MTMR1: variants seen among roughly 807,000 people sequenced by gnomAD.
The protein encoded by MTMR1 is myotubularin related protein 1.
Under a neutral mutation model 51.6 loss-of-function variants are expected in MTMR1, and 17 were observed. The ratio of observed to expected loss-of-function variants is 0.33; its 90% CI spans 0.23 to 0.49. The LOEUF is 0.49. MTMR1 is among the 20% of genes least tolerant of loss of function. MTMR1 has a pLI of 0.99. For missense variants in MTMR1, 386 were observed against 526.9 expected, an observed-to-expected ratio of 0.73 and a Z score of 2.62; for synonymous variants, 201 against 205.6, an observed-to-expected ratio of 0.98 and a Z score of 0.19.
At chrX:150,759,787 C>T (rs1467136413) in intron 15 of MTMR1, among the ~76,000 whole-genome samples, 3 of 110,215 alleles carry the variant, frequency 2.7e-5, no homozygotes, top group Non-Finnish European at 5.8e-5. Flanking sequence ...CTGCAGTCCT[C>T]TTGTGTGCCA....
At chrX:150,730,421 G>A (rs2042081220) in intron 7 of MTMR1, 104 bp from the exon 8 acceptor site, 1 of 592,085 alleles carries the variant, frequency 1.7e-6, no homozygotes, top group South Asian at 4.4e-5. Context: ...ACTAAAATAG[G>A]AATCTTAATA....
intron 10 of MTMR1, among the ~76,000 whole-genome samples, chrX:150,734,132 A>C (rs1603257905): frequency 9.0e-6 from 1 of 111,656 alleles, no homozygotes; most frequent in Non-Finnish European, 1.9e-5. Context: ...CAGCCACATC[A>C]CTCCAATCTC....
At chrX:150,745,729 G>A (rs181940440) in intron 13 of MTMR1, among the ~76,000 whole-genome samples, 1 of 112,340 alleles carries the variant, frequency 8.9e-6, no homozygotes, top group East Asian at 2.8e-4. Context: ...TGAGCCTGGA[G>A]ACAGGCTTAG....
chrX:150,718,773 G>A, intron 4 of MTMR1, 73 bp downstream of exon 4: 1 of 1,050,077 alleles, frequency 9.5e-7, no homozygotes, highest in Non-Finnish European at 1.3e-6. Context: ...AAGTGGAGGT[G>A]ATGTATGTGC....
chrX:150,757,951 T>C (rs1314232426), intron 15 of MTMR1, among the ~76,000 whole-genome samples: 1 of 111,166 alleles, frequency 9.0e-6, no homozygotes, highest in Non-Finnish European at 1.9e-5. Context: ...CACTCGATAC[T>C]GCACCGGCCT....
chrX:150,707,256 A>G (rs2041143907), intron 2 of MTMR1, among the ~76,000 whole-genome samples: 1 of 112,310 alleles, frequency 8.9e-6, no homozygotes, highest in South Asian at 3.6e-4. Context: ...CAAAATTTAA[A>G]ATCTTTTGCT....
Position 150,758,754 on chromosome X carries a change from C to G in MTMR1, c.1857+2889C>G, listed in dbSNP as rs1351009521. Among the ~76,000 whole-genome samples, 5 of 108,339 alleles carry G rather than the reference C, an allele frequency of 4.6e-5. No individual in the cohort carries two copies. The East Asian group carries it at 1.4e-3, about 31-fold the overall frequency. The allele number at this position is 108,339 out of a possible 115,157, so 94.1% of individuals were successfully genotyped here. A position where few individuals can be genotyped will look rare whatever the true frequency, so the allele number is the denominator to read the frequency against. On this transcript the variant is annotated intron_variant, in intron 15 of 15. Transcript: ENST00000445323. ...TGTAGTGAGCTGAGATGAGATTGCA[C>G]CACTGCATTCCAGCCTGGGCGACAG...
chrX:150,743,153 C>G (rs2042481107), intron 12 of MTMR1, among the ~76,000 whole-genome samples: 1 of 111,320 alleles, frequency 9.0e-6, no homozygotes, highest in Admixed American at 9.6e-5. Context: ...TTGTAATTCC[C>G]AGCACTTTGG....
intron 14 of MTMR1, 86 bp from the exon 15 acceptor site, chrX:150,755,603 A>G: frequency 5.4e-6 from 4 of 742,849 alleles, no homozygotes; most frequent in Non-Finnish European, 7.5e-6. Context: ...AATTCACTTC[A>G]TTATTCAAGT....
chrX:150,727,455 T>G (rs1383512150), intron 5 of MTMR1, 146 bp downstream of exon 5: 1 of 524,987 alleles, frequency 1.9e-6, no homozygotes, highest in Non-Finnish European at 3.0e-6. Context: ...AAACAGATGT[T>G]TGTATCTTGA....
chrX:150,732,667 C>T lies in MTMR1; in HGVS notation c.1017C>T (p.Asn339=), dbSNP rs782254068. The change falls in exon 10 of 16, where the codon AAC becomes AAT. Residue 339 remains asparagine, a synonymous_variant. Transcript: ENST00000445323. ...EKYLQTIMDA[N]AQSHKLIIFD... ...ACTTGCAAACAATAATGGATGCTAACGCACAGTCACACAAGCTTATCATCT... is the reference window on the plus strand; with the variant it reads ...ACTTGCAAACAATAATGGATGCTAATGCACAGTCACACAAGCTTATCATCT... 16 of 1,209,371 alleles carry T rather than the reference C, an allele frequency of 1.3e-5. No homozygotes were observed. The highest frequency in any genetic ancestry group is 8.8e-5 in the Admixed American group (4 of 45,694).
Position 150,693,523 on chromosome X carries a change from G to C in MTMR1, c.-8G>C. Reference sequence around the variant, plus strand: ...CGGCTTCCCCAAGGCGGCAGGACTCGGCGCGCCATGGACAGGCCGGCGGCG... The same window carrying C: ...CGGCTTCCCCAAGGCGGCAGGACTCCGCGCGCCATGGACAGGCCGGCGGCG... On this transcript the variant is annotated 5_prime_UTR_variant, in exon 1 of 16. Transcript: ENST00000445323. 3 of 760,815 alleles carry C rather than the reference G, an allele frequency of 3.9e-6. No individual in the cohort carries two copies. The South Asian group carries it at 1.9e-4, about 49-fold the overall frequency. The allele number at this position is 760,815 out of a possible 1,213,427, so 62.7% of individuals were successfully genotyped here. A position where few individuals can be genotyped will look rare whatever the true frequency, so the allele number is the denominator to read the frequency against.
chrX:150,756,142 CCTT>C (rs1410727385), intron 15 of MTMR1, among the ~76,000 whole-genome samples: 1 of 111,557 alleles, frequency 9.0e-6, no homozygotes, highest in Non-Finnish European at 1.9e-5. Context: ...AGTGCTTGGC[CCTT>C]CTTCTTATAA....
chrX:150,719,811 G>A (rs188825170), intron 4 of MTMR1, among the ~76,000 whole-genome samples: 2 of 112,067 alleles, frequency 1.8e-5, no homozygotes, highest in Admixed American at 1.9e-4. Context: ...TGAATGAGCA[G>A]GGAGCGTTAT....
intron 2 of MTMR1, among the ~76,000 whole-genome samples, chrX:150,700,657 A>C (rs1177313097): frequency 8.9e-6 from 1 of 112,815 alleles, no homozygotes; most frequent in East Asian, 2.8e-4. Context: ...GGATCGCATC[A>C]GTTCCAGTTG....
At chrX:150,709,915 A>G (rs1023826442) in intron 2 of MTMR1, among the ~76,000 whole-genome samples, 19 of 112,563 alleles carry the variant, frequency 1.7e-4, no homozygotes, top group Non-Finnish European at 3.4e-4. Context: ...TCAGGGTTCA[A>G]TTGCACAATT....
At chrX:150,707,486 T>A (rs2041152527) in intron 2 of MTMR1, among the ~76,000 whole-genome samples, 1 of 112,680 alleles carries the variant, frequency 8.9e-6, no homozygotes, top group African/African-American at 3.2e-5. Flanking sequence ...GAAAAGACGT[T>A]CAACATCATT....
Position 150,715,519 on chromosome X carries a change from CA to C in MTMR1, c.277-3104del, listed in dbSNP as rs781801657. 4.3e-4 allele frequency among the ~76,000 whole-genome samples: 48 copies of C among 112,333 alleles called. 1 individual carries two copies. The East Asian group carries it at 0.012, about 28-fold the overall frequency. ...TGTGCTGAACATGGGTTGGATAAAT[CA>C]AGGGTCAAATCATGTCCTGTGCAAC... On this transcript the variant is annotated intron_variant, in intron 3 of 15. Coordinates refer to ENST00000445323, the MANE Select transcript of MTMR1 (RefSeq NM_001306144.3).
chrX:150,732,287 T>C (rs2042140931), intron 9 of MTMR1, among the ~76,000 whole-genome samples: 1 of 111,851 alleles, frequency 8.9e-6, no homozygotes, highest in Non-Finnish European at 1.9e-5. Flanking sequence ...ATTTAGGATT[T>C]GTTTTTCTTA....
Sources: allele counts gnomAD v4.1 joint callset (sites outside exome capture counted in the v4.1 genomes callset), GRCh38; gene constraint gnomAD v4.1.1; transcripts MANE v1.5; gene names NCBI Gene and HGNC (gene_info 2026-07-23, HGNC 2026-07-21).